The following RANBP2 variants were observed in gnomAD, a reference collection of about 807,000 sequenced individuals.
RANBP2 encodes the protein RAN binding protein 2, also known as E3 SUMO-protein ligase RanBP2.
A neutral mutation model predicts 303.6 loss-of-function variants in RANBP2; 57 were observed. That is an observed-to-expected ratio of 0.19 (90% CI 0.15 to 0.23). The LOEUF is 0.23. RANBP2 is among the 10% of genes least tolerant of loss of function. RANBP2 has a pLI of 1.00. For synonymous variants in RANBP2, 1,167 were observed against 1,301.5 expected (o/e 0.90, Z 2.23); for missense variants, 3,138 against 3,780.8 (o/e 0.83, Z 4.46).
chr2:109,296,221 C>CTAT, the RANBP2 span, among the ~76,000 whole-genome samples: 92 of 151,424 alleles, frequency 6.1e-4, no homozygotes, highest in African/African-American at 1.6e-3. Context: ...ACAGAATGAC[C>CTAT]TAGTATTATT....
At chr2:109,170,201 TTTTC>T in the RANBP2 span, among the ~76,000 whole-genome samples, 24 of 151,758 alleles carry the variant, frequency 1.6e-4, no homozygotes, top group African/African-American at 5.6e-4. Context: ...GAACGAGATG[TTTTC>T]TTTCTCTCTC....
chr2:108,743,221 T>C (rs1696257720), intron 7 of RANBP2, among the ~76,000 whole-genome samples: 1 of 152,174 alleles, frequency 6.6e-6, no homozygotes, highest in Admixed American at 6.6e-5. Flanking sequence ...GGCTCAAGCT[T>C]CCCAGAGTGC....
the RANBP2 span, among the ~76,000 whole-genome samples, chr2:109,001,908 T>C: frequency 6.6e-6 from 1 of 151,966 alleles, no homozygotes; most frequent in African/African-American, 2.4e-5. Context: ...TTTTTTGTAT[T>C]TTTAGTAGAG....
At chr2:109,670,901 C>T in the RANBP2 span, among the ~76,000 whole-genome samples, 2 of 152,168 alleles carry the variant, frequency 1.3e-5, no homozygotes, top group Admixed American at 1.3e-4. Context: ...GGAGTGCAGC[C>T]TCAGTGGGCC....
the RANBP2 span, among the ~76,000 whole-genome samples, chr2:108,897,650 A>G: frequency 3.3e-5 from 5 of 152,154 alleles, no homozygotes; most frequent in Non-Finnish European, 5.9e-5. Context: ...CAACTTTGTG[A>G]TGGCTGCTCT....
At chr2:108,930,330 G>A in the RANBP2 span, 1 of 1,568,132 alleles carries the variant, frequency 6.4e-7, no homozygotes, top group South Asian at 1.1e-5. Context: ...CATAGGAAGG[G>A]GGTGCCCTGC....
chr2:109,475,256 C>T, the RANBP2 span, among the ~76,000 whole-genome samples: 11 of 152,140 alleles, frequency 7.2e-5, no homozygotes, highest in Admixed American at 5.9e-4. Context: ...GGATTACAGG[C>T]GTGAGCCACC....
the RANBP2 span, among the ~76,000 whole-genome samples, chr2:109,403,225 T>C: frequency 1.3e-5 from 2 of 152,248 alleles, no homozygotes; most frequent in Non-Finnish European, 2.9e-5. Flanking sequence ...AGCCGCGCAC[T>C]GTCCGAGGCT....
rs1465331403 is a variant in RANBP2 at position 108,782,546 on chromosome 2, A to G, written c.9053A>G (p.Glu3018Gly). Residue 3018 changes from glutamate to glycine, a missense_variant, in exon 28 of 29, where the codon GAA becomes GGA. By Grantham distance (98) the Glu-to-Gly change is moderately conservative. This residue lies in a region of RANBP2 where 204 missense variants were observed against 228.4 expected (regional missense o/e 0.89). Transcript: ENST00000283195. Reference sequence around the variant, plus strand: ...CTGCCAGATGGAGAAGCAAAAGTAGAACAGCTTGCAGTGAGATTTAAAACT... The same window carrying G: ...CTGCCAGATGGAGAAGCAAAAGTAGGACAGCTTGCAGTGAGATTTAAAACT... ...SDYADGEAKV[E>G]QLAVRFKTKE... is the part of the protein sequence containing the mutation. 1 of 1,614,220 alleles carries G rather than the reference A, an allele frequency of 6.2e-7. No homozygotes were observed. The highest frequency in any genetic ancestry group is 1.7e-5 in the Admixed American group (1 of 60,024).
At chr2:109,705,488 G>A in the RANBP2 span, among the ~76,000 whole-genome samples, 7 of 152,324 alleles carry the variant, frequency 4.6e-5, no homozygotes, top group African/African-American at 4.8e-5. Flanking sequence ...TTAGTTAGAC[G>A]CAAATAGCAT....
the RANBP2 span, among the ~76,000 whole-genome samples, chr2:108,870,989 G>A: frequency 6.6e-6 from 1 of 152,090 alleles, no homozygotes; most frequent in African/African-American, 2.4e-5. Flanking sequence ...CCAATTTAAA[G>A]AATGAATATA....
chr2:109,204,258 G>C, the RANBP2 span, among the ~76,000 whole-genome samples: 1 of 152,140 alleles, frequency 6.6e-6, no homozygotes, highest in Non-Finnish European at 1.5e-5. Flanking sequence ...CTTTGCTTAT[G>C]CCCTGTTGCT....
At chr2:109,577,763 A>G in the RANBP2 span, among the ~76,000 whole-genome samples, 1 of 151,760 alleles carries the variant, frequency 6.6e-6, no homozygotes, top group Non-Finnish European at 1.5e-5. Flanking sequence ...AAATACAAAA[A>G]TTAGCCAGGT....
chr2:109,444,178 GATATT>G, the RANBP2 span, among the ~76,000 whole-genome samples: 1 of 152,092 alleles, frequency 6.6e-6, no homozygotes, highest in African/African-American at 2.4e-5. Flanking sequence ...AATCAAAAGG[GATATT>G]ATAACGCATT....
the RANBP2 span, among the ~76,000 whole-genome samples, chr2:109,019,075 G>A: frequency 6.6e-6 from 1 of 152,240 alleles, no homozygotes; most frequent in South Asian, 2.1e-4. Context: ...TGGCAGGAGA[G>A]TGTTTAGTGT....
chr2:109,229,531 G>C, the RANBP2 span, among the ~76,000 whole-genome samples: 15 of 152,238 alleles, frequency 9.9e-5, no homozygotes, highest in African/African-American at 3.6e-4. Context: ...TTGAGAGCCC[G>C]ATACGGGAGG....
intron 1 of RANBP2, among the ~76,000 whole-genome samples, chr2:108,723,239 T>G (rs1412080775): frequency 1.3e-5 from 2 of 152,098 alleles, no homozygotes; most frequent in African/African-American, 4.8e-5. Flanking sequence ...TATATACTTT[T>G]GTTATTTTTA....
the RANBP2 span, among the ~76,000 whole-genome samples, chr2:109,452,040 A>C: frequency 6.6e-6 from 1 of 152,264 alleles, no homozygotes; most frequent in Non-Finnish European, 1.5e-5. Flanking sequence ...TAAACAACAA[A>C]GACAAGCACT....
the RANBP2 span, among the ~76,000 whole-genome samples, chr2:108,932,460 C>T: frequency 2.2e-5 from 3 of 135,614 alleles, no homozygotes; most frequent in South Asian, 2.4e-4. Context: ...ACCCGGGAGG[C>T]GGAGCTTGCA....
Sources: gnomAD v4.1 joint callset for allele counts (sites outside exome capture counted in the v4.1 genomes callset) on GRCh38, gnomAD v4.1.1 for gene constraint, gnomAD v4.1.1 regional missense constraint, MANE v1.5 for transcripts, NCBI Gene and HGNC (gene_info 2026-07-23, HGNC 2026-07-21) for gene names.